ABHD14A: variants seen among roughly 807,000 people sequenced by gnomAD.
ABHD14A encodes the protein protein ABHD14A.
A neutral mutation model predicts 27.0 loss-of-function variants in ABHD14A; 19 were observed. That is an observed-to-expected ratio of 0.70 (90% CI 0.49 to 1.03). ABHD14A has a LOEUF of 1.03. Ranked by LOEUF, ABHD14A falls within the 50% of genes least tolerant of loss-of-function variation. The pLI, the probability that ABHD14A is intolerant of heterozygous loss-of-function variation, is 0.00. For synonymous variants in ABHD14A, 148 were observed against 158.8 expected, an observed-to-expected ratio of 0.93 and a Z score of 0.51; for missense variants, 311 against 344.6, an observed-to-expected ratio of 0.90 and a Z score of 0.77.
chr3:51,979,927 A>T lies in ABHD14A; in HGVS notation c.398-466A>T, dbSNP rs368661371. 3.9e-4 allele frequency among the ~76,000 whole-genome samples: 59 copies of T among 150,228 alleles called. No individual in the cohort carries two copies. The East Asian group carries it at 7.8e-3, about 20-fold the overall frequency. On this transcript the variant is annotated intron_variant, in intron 3 of 4. Transcript: ENST00000273596. Reference sequence around the variant, plus strand: ...CTGGGTATTATTTATTTTTTATTTTATTTTATTTTTTTTTTAGACAGAGTC... The same window carrying T: ...CTGGGTATTATTTATTTTTTATTTTTTTTTATTTTTTTTTTAGACAGAGTC...
At position 51,978,460 on chromosome 3, in the gene ABHD14A, G is replaced by A. The variant is rs1336978188; in HGVS notation, c.397+86G>A. 4.2e-6 allele frequency: 4 copies of A among 944,518 alleles called. No homozygotes were observed. The African/African-American group carries it at 6.6e-5, about 16-fold the overall frequency. The allele number at this position is 944,518 out of a possible 1,614,324, so 58.5% of individuals were successfully genotyped here. A position where few individuals can be genotyped will look rare whatever the true frequency, so the allele number is the denominator to read the frequency against. Reference sequence around the variant, plus strand: ...CCTAGGGTCTGGACAGGCCGTGGCAGGTCACAACATAAGGTGGCACCATGA... The same window carrying A: ...CCTAGGGTCTGGACAGGCCGTGGCAAGTCACAACATAAGGTGGCACCATGA... On this transcript the variant is annotated intron_variant, in intron 3 of 4. Transcript: ENST00000273596.
intron 3 of ABHD14A, among the ~76,000 whole-genome samples, chr3:51,980,071 C>T (rs1049175051): frequency 2.0e-5 from 3 of 152,012 alleles, no homozygotes; most frequent in Middle Eastern, 3.2e-3. Flanking sequence ...TACAGGTGCC[C>T]GCCACCTCGC....
In ABHD14A at chr3:51,977,967, C is replaced by G. The variant is rs1426324340; in HGVS notation, c.166C>G (p.Pro56Ala). ...LLLYVGLPGP[P>A]EQTSCLWGDP... ...ACTGTATGTGGGGCTGCCAGGCCCC[C>G]CTGAGCAGACTTCCTGCCTCTGGGG... The change falls in exon 2 of 5, where the codon CCT becomes GCT. Residue 56 changes from proline (P) to alanine (A), a missense_variant. Coordinates refer to ENST00000273596, the MANE Select transcript of ABHD14A (RefSeq NM_015407.5). The G allele has an allele frequency of 2.5e-6, 4 of 1,614,126 alleles. No individual in the cohort carries two copies. The highest frequency in any genetic ancestry group is 3.4e-6 in the Non-Finnish European group (4 of 1,180,030).
At chr3:51,978,143 AC>A (rs1700828727) in intron 2 of ABHD14A, 61 bp downstream of exon 2, 42 of 1,562,528 alleles carry the variant, frequency 2.7e-5, no homozygotes, top group Non-Finnish European at 3.6e-5. Context: ...CCTGTGTGGG[AC>A]CCCCATTATA....
At chr3:51,978,523 A>C (rs1426968609) in intron 3 of ABHD14A, 149 bp downstream of exon 3, 1 of 525,078 alleles carries the variant, frequency 1.9e-6, no homozygotes, top group Non-Finnish European at 3.3e-6. Context: ...TGAAAACTAC[A>C]GTGTGAATTC....
rs1700887224 is a variant in ABHD14A, at chr3:51,980,401, A to G, written c.406A>G (p.Asn136Asp). The G allele has an allele frequency of 6.2e-7, 1 of 1,613,734 alleles. No homozygotes were observed. Among genetic ancestry groups the G allele is most frequent in the Non-Finnish European group, 8.5e-7 (1 of 1,179,968 alleles). Residue 136 changes from asparagine (N) to aspartate (D), a missense_variant, in exon 4 of 5, where the codon AAC (asparagine) becomes GAC (aspartate). Physicochemically the swap from Asn to Asp is conservative, Grantham distance 23. Transcript: ENST00000273596. ...AVALDLPGFG[N>D]SAPSKEASTE... ...CCTGCTGCTGTTCCTAGGTTTTGGG[A>G]ACTCGGCACCTTCAAAGGAGGCAAG...
rs770948538 is a variant in ABHD14A at position 51,980,447 on chromosome 3, C to G, written c.452C>G (p.Ala151Gly). ...GCAAGCACAGAGGCAGGGCGGGCAG[C>G]GCTGCTGGAGCGGGCGCTGCGGGAC... ...KEASTEAGRA[A>G]LLERALRDLE... is the part of the protein sequence containing the mutation. Residue 151 changes from alanine to glycine, a missense_variant, in exon 4 of 5, where the codon GCG becomes GGG. Physicochemically the swap from Ala to Gly is moderately conservative, Grantham distance 60. Transcript: ENST00000273596. 1 of 1,613,354 alleles carries G rather than the reference C, an allele frequency of 6.2e-7. No individual in the cohort carries two copies.
At chr3:51,979,389 G>T (rs146441967) in intron 3 of ABHD14A, among the ~76,000 whole-genome samples, 13 of 152,060 alleles carry the variant, frequency 8.5e-5, no homozygotes, top group Non-Finnish European at 1.8e-4. Flanking sequence ...TTGAGCATGT[G>T]AGCAATAATT....
chr3:51,975,171 G>T lies in ABHD14A; in HGVS notation c.36G>T (p.Leu12=). The change falls in exon 1 of 5, where the codon CTG becomes CTT. Residue 12 remains leucine (L), a synonymous_variant. Coordinates refer to ENST00000273596, the MANE Select transcript of ABHD14A (RefSeq NM_015407.5). The part of the protein sequence containing the change: ...VGALCGCWFR[L]GGARPLIPLG... ...CGCTGTGCGGCTGCTGGTTCCGCCT[G>T]GGCGGGGCCCGCCCGCTCATCCCGT... is the stretch of plus-strand genomic sequence containing the variant. 1 of 1,281,120 alleles carries T rather than the reference G, an allele frequency of 7.8e-7. No homozygotes were observed. Among genetic ancestry groups the T allele is most frequent in the Admixed American group, 4.0e-5 (1 of 24,900 alleles). 79.4% of individuals were successfully genotyped at this position (1,281,120 alleles called of 1,614,324 possible). A position where few individuals can be genotyped will look rare whatever the true frequency, so the allele number is the denominator to read the frequency against.
intron 3 of ABHD14A, among the ~76,000 whole-genome samples, chr3:51,980,027 A>G (rs1227122044): frequency 6.6e-6 from 1 of 151,342 alleles, no homozygotes; most frequent in Admixed American, 6.6e-5. Context: ...GGTTCATGCC[A>G]TTCTCCTGCC....
At chr3:51,978,105 A>G (rs1700827456) in intron 2 of ABHD14A, 23 bp downstream of exon 2, 1 of 1,606,964 alleles carries the variant, frequency 6.2e-7, no homozygotes, top group South Asian at 1.1e-5. Context: ...CCAAGGGTCT[A>G]GTGGAGGGAC....
intron 1 of ABHD14A, 147 bp from the exon 2 acceptor site, chr3:51,977,724 C>T (rs1700815597): frequency 1.3e-6 from 1 of 746,144 alleles, no homozygotes; most frequent in Admixed American, 2.3e-5. Flanking sequence ...TGAGTGTGAA[C>T]TCCCAGAACT....
chr3:51,978,835 G>T (rs1479197130), intron 3 of ABHD14A: 1 of 226,762 alleles, frequency 4.4e-6, no homozygotes, highest in South Asian at 4.1e-5. Flanking sequence ...CAGGTGATTC[G>T]CCTGCCTCGG....
chr3:51,976,313 C>G (rs1222692703), intron 1 of ABHD14A, among the ~76,000 whole-genome samples: 2 of 152,226 alleles, frequency 1.3e-5, no homozygotes, highest in East Asian at 1.9e-4. Flanking sequence ...CAAAACATCC[C>G]GGAGGGATGA....
chr3:51,980,577 C>A lies in ABHD14A; in HGVS notation c.582C>A (p.Ile194=). 1 of 1,609,026 alleles carries A rather than the reference C, an allele frequency of 6.2e-7. No individual in the cohort carries two copies. The highest frequency in any genetic ancestry group is 1.1e-5 in the South Asian group (1 of 90,854). Residue 194 remains isoleucine, a synonymous_variant, in exon 4 of 5, where the codon ATC becomes ATA. Coordinates refer to ENST00000273596, the MANE Select transcript of ABHD14A (RefSeq NM_015407.5). ...GHHQLHGFVP[I]APTSTQNYTQ... ...ACCAGCTACATGGATTTGTGCCCAT[C>A]GCACCCACCTCCACCCAGAACTACA... is the stretch of plus-strand genomic sequence containing the variant.
chr3:51,977,704 G>A (rs903175406), intron 1 of ABHD14A, among the ~76,000 whole-genome samples, 167 bp from the exon 2 acceptor site: 2 of 152,260 alleles, frequency 1.3e-5, no homozygotes, highest in South Asian at 2.1e-4. Flanking sequence ...GCCCTGGCAT[G>A]TGGAGTAGTT....
chr3:51,976,080 C>G (rs1700781196), intron 1 of ABHD14A, among the ~76,000 whole-genome samples: 3 of 152,238 alleles, frequency 2.0e-5, no homozygotes, highest in Non-Finnish European at 4.4e-5. Context: ...CGGGGGCGCC[C>G]CGAGTGGGCA....
At chr3:51,976,106 T>A (rs1163361903) in intron 1 of ABHD14A, among the ~76,000 whole-genome samples, 1 of 152,228 alleles carries the variant, frequency 6.6e-6, no homozygotes, top group African/African-American at 2.4e-5. Flanking sequence ...GAAATGTCCC[T>A]CGCGCCCGGT....
chr3:51,977,700 G>A (rs572508211), intron 1 of ABHD14A, among the ~76,000 whole-genome samples, 171 bp from the exon 2 acceptor site: 1 of 152,348 alleles, frequency 6.6e-6, no homozygotes, highest in African/African-American at 2.4e-5. Context: ...GCTTGCCCTG[G>A]CATGTGGAGT....
Sources: gnomAD v4.1 joint callset for allele counts (sites outside exome capture counted in the v4.1 genomes callset) on GRCh38, gnomAD v4.1.1 for gene constraint, MANE v1.5 for transcripts, NCBI Gene and HGNC (gene_info 2026-07-23, HGNC 2026-07-21) for gene names.